RAD9B: variants seen among roughly 807,000 people sequenced by gnomAD.
RAD9B encodes cell cycle checkpoint control protein RAD9B.
In RAD9B, 41 loss-of-function variants were observed where a neutral mutation model predicts 48.3. The ratio of observed to expected loss-of-function variants is 0.85; its 90% CI spans 0.66 to 1.10. RAD9B has a LOEUF of 1.10. RAD9B is among the 50% of genes least tolerant of loss of function. The pLI, the probability that RAD9B is intolerant of heterozygous loss-of-function variation, is 0.00. For synonymous variants in RAD9B, 160 were observed against 157.9 expected, an observed-to-expected ratio of 1.01 and a Z score of -0.10; for missense variants, 444 against 485.1, an observed-to-expected ratio of 0.92 and a Z score of 0.80.
In RAD9B at chr12:110,522,231, A is replaced by G. The variant is rs776946145; in HGVS notation, c.945A>G (p.Glu315=). The stretch of plus-strand genomic sequence containing the variant: ...AAAATGTAACTGGCCAGGCCCTGGA[A>G]TGTATTTCAAAAAAAGCAGCACCAA... ...AGKNVTGQAL[E]CISKKAAPRR... The change falls in exon 10 of 11, where the codon GAA becomes GAG. Residue 315 remains glutamate, a synonymous_variant. Coordinates refer to ENST00000409300, the MANE Select transcript of RAD9B (RefSeq NM_001286535.2). 2.7e-5 allele frequency: 44 copies of G among 1,608,318 alleles called. 1 individual carries two copies. The South Asian group carries it at 4.8e-4, about 18-fold the overall frequency.
intron 6 of RAD9B, among the ~76,000 whole-genome samples, chr12:110,516,840 A>G: frequency 6.6e-6 from 1 of 152,072 alleles, no homozygotes; most frequent in South Asian, 2.1e-4. Context: ...ATATGTATAT[A>G]TATATCACTC....
In RAD9B at chr12:110,505,697, A is replaced by G. The variant is rs972980006; in HGVS notation, c.198A>G (p.Gln66=). 18 of 1,604,324 alleles carry G rather than the reference A, an allele frequency of 1.1e-5. No homozygotes were observed. Among genetic ancestry groups the G allele is most frequent in the Non-Finnish European group, 1.0e-5 (12 of 1,174,950 alleles). Residue 66 remains glutamine, a synonymous_variant, in exon 3 of 11, where the codon CAA becomes CAG. Coordinates refer to ENST00000409300, the MANE Select transcript of RAD9B (RefSeq NM_001286535.2). The stretch of plus-strand genomic sequence containing the variant: ...CTCCTGTGTTTTTTCAGCATTATCA[A>G]TGGTCAGCTTTAGTGAAAATGAGTG... ...LFSPVFFQHY[Q]WSALVKMSEN...
chr12:110,532,591 A>G lies in RAD9B; in HGVS notation c.*1938A>G, dbSNP rs938763140. On this transcript the variant is annotated 3_prime_UTR_variant, in exon 11 of 11. Transcript: ENST00000409300. ...TTTTAGAATTTGGATACAGAGTGCT[A>G]AGCTGAAATACAGTCATGTGCTGCA... 6.6e-6 allele frequency among the ~76,000 whole-genome samples: 1 copy of G among 152,232 alleles called. No individual in the cohort carries two copies. Among genetic ancestry groups the G allele is most frequent in the Non-Finnish European group, 1.5e-5 (1 of 68,042 alleles).
intron 10 of RAD9B, among the ~76,000 whole-genome samples, chr12:110,529,914 G>A (rs540693966): frequency 6.6e-6 from 1 of 152,108 alleles, no homozygotes; most frequent in Non-Finnish European, 1.5e-5. Flanking sequence ...AGTGGCTTAC[G>A]GAGGCTTCGT....
At chr12:110,509,634 G>A (rs1397951898) in intron 4 of RAD9B, among the ~76,000 whole-genome samples, 1 of 152,132 alleles carries the variant, frequency 6.6e-6, no homozygotes, top group Non-Finnish European at 1.5e-5. Context: ...GGTGTCTAGT[G>A]TGTGCTTATA....
At chr12:110,517,956 A>C (rs1167936345) in intron 6 of RAD9B, among the ~76,000 whole-genome samples, 1 of 152,158 alleles carries the variant, frequency 6.6e-6, no homozygotes, top group Non-Finnish European at 1.5e-5. Context: ...TGGGAGGCTG[A>C]GGCGGGTGGA....
At chr12:110,525,333 C>T (rs2063903569) in intron 10 of RAD9B, among the ~76,000 whole-genome samples, 2 of 152,034 alleles carry the variant, frequency 1.3e-5, no homozygotes, top group Admixed American at 6.6e-5. Flanking sequence ...ACCATGTTGC[C>T]CAGGCTGGTC....
intron 5 of RAD9B, 88 bp from the exon 6 acceptor site, chr12:110,514,962 C>T: frequency 4.0e-6 from 3 of 750,798 alleles, no homozygotes; most frequent in South Asian, 2.4e-5. Flanking sequence ...TATTTATTTC[C>T]AGATTAGAGA....
chr12:110,514,060 G>C (rs138394150), intron 5 of RAD9B, among the ~76,000 whole-genome samples: 3 of 146,824 alleles, frequency 2.0e-5, no homozygotes, highest in Non-Finnish European at 3.0e-5. Context: ...TTCCTTCCTT[G>C]CTTCCTTCCT....
Position 110,531,628 on chromosome 12 carries a change from G to A in RAD9B, c.*975G>A. On this transcript the variant is annotated 3_prime_UTR_variant, in exon 11 of 11. Transcript: ENST00000409300. ...GATGCCAAATATTTCTGTATTATCT[G>A]ACATAGAACAGTATCCTCCACTGCC... 6.2e-7 allele frequency: 1 copy of A among 1,610,842 alleles called. No homozygotes were observed. Among genetic ancestry groups the A allele is most frequent in the Non-Finnish European group, 8.5e-7 (1 of 1,178,992 alleles).
At chr12:110,520,858 T>C (rs1593093638) in intron 9 of RAD9B, among the ~76,000 whole-genome samples, 1 of 150,630 alleles carries the variant, frequency 6.6e-6, no homozygotes, top group East Asian at 2.0e-4. Context: ...ACTATGTTGG[T>C]CAGGCTGGTC....
intron 10 of RAD9B, among the ~76,000 whole-genome samples, chr12:110,530,162 C>A (rs1392232181): frequency 6.6e-6 from 1 of 152,180 alleles, no homozygotes; most frequent in Non-Finnish European, 1.5e-5. Flanking sequence ...CCTGCCTCAG[C>A]CTCCCGAGTA....
In RAD9B at chr12:110,502,375, A is replaced by T. The variant is rs1338602316; in HGVS notation, c.38A>T (p.Gln13Leu). The change falls in exon 1 of 11, where the codon CAG becomes CTG. Residue 13 changes from glutamine to leucine, a missense_variant. Gln to Leu is a moderately radical substitution (Grantham distance 113). Coordinates refer to ENST00000409300, the MANE Select transcript of RAD9B (RefSeq NM_001286535.2). ...AMLKCVMSGS[Q>L]VKVFGKAVQA... ...CTGAAGTGCGTGATGAGCGGCAGTC[A>T]GGTGAAAGGTGGAGCGGCCTTTGTT... 7 of 1,613,772 alleles carry T rather than the reference A, an allele frequency of 4.3e-6. No homozygotes were observed. Among genetic ancestry groups the T allele is most frequent in the Non-Finnish European group, 5.9e-6 (7 of 1,179,800 alleles).
intron 10 of RAD9B, among the ~76,000 whole-genome samples, chr12:110,525,117 C>G (rs1234299997): frequency 6.6e-6 from 1 of 152,050 alleles, no homozygotes; most frequent in Non-Finnish European, 1.5e-5. Context: ...TCCTGAGTAG[C>G]TGGGAATACA....
intron 5 of RAD9B, 89 bp downstream of exon 5, chr12:110,512,967 C>A: frequency 3.0e-6 from 2 of 658,728 alleles, no homozygotes; most frequent in Non-Finnish European, 2.6e-6. Flanking sequence ...TTTCAGTCGG[C>A]ACATTTTTTT....
Position 110,532,664 on chromosome 12 carries a change from A to G in RAD9B, c.*2011A>G, listed in dbSNP as rs555536617. Among the ~76,000 whole-genome samples, 1 of 152,368 alleles carries G rather than the reference A, an allele frequency of 6.6e-6. No homozygotes were observed. Among genetic ancestry groups the G allele is most frequent in the African/African-American group, 2.4e-5 (1 of 41,594 alleles). The stretch of plus-strand genomic sequence containing the variant: ...GGACTGCACAGACAGTGGTGGTCCC[A>G]TAAGATAATGGAGCTGCCCTATACA... On this transcript the variant is annotated 3_prime_UTR_variant, in exon 11 of 11. Coordinates refer to ENST00000409300, the MANE Select transcript of RAD9B (RefSeq NM_001286535.2).
At chr12:110,506,020 G>A (rs1322915761) in intron 3 of RAD9B, among the ~76,000 whole-genome samples, 1 of 152,010 alleles carries the variant, frequency 6.6e-6, no homozygotes, top group African/African-American at 2.4e-5. Flanking sequence ...AAGTAGCTGG[G>A]ATTATAGGCG....
rs756220600 is a variant in RAD9B at position 110,518,662 on chromosome 12, A to G, written c.596-14A>G. 4.6e-6 allele frequency: 7 copies of G among 1,522,306 alleles called. No individual in the cohort carries two copies. Among genetic ancestry groups the G allele is most frequent in the Non-Finnish European group, 6.2e-6 (7 of 1,123,752 alleles). The allele number at this position is 1,522,306 out of a possible 1,614,324, so 94.3% of individuals were successfully genotyped here. On this transcript the variant is annotated splice_polypyrimidine_tract_variant and intron_variant, in intron 6 of 10. Transcript: ENST00000409300. ...AACTAATTTTATTCTTTATTTTCCC[A>G]TAATATTAAACAGATTTGAGCAATG...
intron 4 of RAD9B, among the ~76,000 whole-genome samples, chr12:110,509,189 C>T (rs900565260): frequency 6.6e-6 from 1 of 151,766 alleles, no homozygotes; most frequent in Admixed American, 6.6e-5. Context: ...AGGATGATCT[C>T]GATCTCCTGA....
Sources: allele counts gnomAD v4.1 joint callset (sites outside exome capture counted in the v4.1 genomes callset), GRCh38; gene constraint gnomAD v4.1.1; transcripts MANE v1.5; gene names NCBI Gene and HGNC (gene_info 2026-07-23, HGNC 2026-07-21).